The following PLS3 variants were observed in gnomAD, a reference collection of about 807,000 sequenced individuals.
The protein encoded by PLS3 is plastin 3.
Under a neutral mutation model 46.5 loss-of-function variants are expected in PLS3, and 11 were observed. The ratio of observed to expected loss-of-function variants is 0.24; its 90% CI spans 0.15 to 0.39. The LOEUF is 0.39. Among genes scored for constraint, PLS3 ranks in the 10% least tolerant of loss-of-function variants. The probability of loss-of-function intolerance (pLI) is 1.00; values close to 1 mark genes in which losing one functional copy is unlikely to be tolerated. For missense variants in PLS3, 308 were observed against 461.8 expected, an observed-to-expected ratio of 0.67 and a Z score of 3.05; for synonymous variants, 167 against 162.2, an observed-to-expected ratio of 1.03 and a Z score of -0.22.
Position 115,647,541 on chromosome X carries a change from C to T in PLS3, c.1512-9C>T, listed in dbSNP as rs1556641918. ...AGATGGTGACGTTTTCTTCTGCTGC[C>T]TCTCTTAGATATACCCTCAATGTCC... On this transcript the variant is annotated splice_polypyrimidine_tract_variant and intron_variant, in intron 13 of 15. Coordinates refer to ENST00000355899, the MANE Select transcript of PLS3 (RefSeq NM_005032.7). 1.7e-6 allele frequency: 2 copies of T among 1,198,545 alleles called. No homozygotes were observed. The highest frequency in any genetic ancestry group is 1.7e-5 in the African/African-American group (1 of 57,633).
chrX:115,574,232 A>G (rs782239936), intron 1 of PLS3, among the ~76,000 whole-genome samples: 5 of 111,908 alleles, frequency 4.5e-5, no homozygotes, highest in African/African-American at 1.6e-4. Flanking sequence ...TTCACAGTTC[A>G]CCTGGCACAC....
chrX:115,626,385 A>G lies in PLS3; in HGVS notation c.238-2813A>G, dbSNP rs371532030. Among the ~76,000 whole-genome samples the G allele has an allele frequency of 6.4e-5, 7 of 109,302 alleles. No homozygotes were observed. In the East Asian group the frequency reaches 1.7e-3, roughly 27 times the overall value. 94.9% of individuals were successfully genotyped at this position (109,302 alleles called of 115,157 possible). A position where few individuals can be genotyped will look rare whatever the true frequency, so the allele number is the denominator to read the frequency against. On this transcript the variant is annotated intron_variant, in intron 3 of 15. Transcript: ENST00000355899. ...CTGCAACCTCTGCCTCCTGGGTTCA[A>G]GGGATTCTCCTGCCTCAGTCTCCAG...
chrX:115,638,976 A>G (rs1219878186), intron 8 of PLS3, among the ~76,000 whole-genome samples: 1 of 111,296 alleles, frequency 9.0e-6, no homozygotes, highest in Non-Finnish European at 1.9e-5. Context: ...GGCCTCCCAA[A>G]GTGCTGGGAT....
chrX:115,645,284 G>A (rs1188546541), intron 11 of PLS3, among the ~76,000 whole-genome samples, 185 bp downstream of exon 11: 1 of 111,239 alleles, frequency 9.0e-6, no homozygotes. Flanking sequence ...TTACATGATC[G>A]TTAACTGTAA....
chrX:115,626,930 C>A (rs781888310), intron 3 of PLS3, among the ~76,000 whole-genome samples: 31 of 108,642 alleles, frequency 2.9e-4, no homozygotes, highest in African/African-American at 1.0e-3. Flanking sequence ...CTCACTGCAA[C>A]CTCCATCTCC....
intron 1 of PLS3, among the ~76,000 whole-genome samples, chrX:115,563,224 C>T (rs1603212634): frequency 9.0e-6 from 1 of 111,716 alleles, no homozygotes; most frequent in East Asian, 2.8e-4. Flanking sequence ...TAGGCAACTA[C>T]TTAAAGGTAG....
chrX:115,644,796 T>G (rs2074934641), intron 10 of PLS3, among the ~76,000 whole-genome samples: 1 of 111,027 alleles, frequency 9.0e-6, no homozygotes, highest in African/African-American at 3.3e-5. Flanking sequence ...GCTTAACTGG[T>G]TAGAATAAGG....
At chrX:115,596,942 C>T (rs189326153) in intron 1 of PLS3, among the ~76,000 whole-genome samples, 1,241 of 109,264 alleles carry the variant, frequency 0.011, 25 homozygotes, top group African/African-American at 0.039. Flanking sequence ...ATCAGGAGTT[C>T]GAGACCAGCC....
At chrX:115,579,253 C>G (rs2074267010) in intron 1 of PLS3, among the ~76,000 whole-genome samples, 1 of 111,994 alleles carries the variant, frequency 8.9e-6, no homozygotes, top group South Asian at 3.7e-4. Context: ...TACCTCGTTC[C>G]TTTTCATTGT....
intron 1 of PLS3, among the ~76,000 whole-genome samples, chrX:115,593,342 A>AC (rs2074358440): frequency 9.0e-6 from 1 of 110,910 alleles, no homozygotes; most frequent in African/African-American, 3.3e-5. Context: ...GGGGAAAAAA[A>AC]AAAAAGGAAG....
chrX:115,644,138 A>T (rs2074926786), intron 10 of PLS3, among the ~76,000 whole-genome samples: 1 of 111,380 alleles, frequency 9.0e-6, no homozygotes, highest in Non-Finnish European at 1.9e-5. Flanking sequence ...GCATATATTT[A>T]TGTTTCATTC....
chrX:115,616,232 T>A (rs1202706792), intron 2 of PLS3, among the ~76,000 whole-genome samples: 1 of 112,278 alleles, frequency 8.9e-6, no homozygotes, highest in Non-Finnish European at 1.9e-5. Context: ...TAACCACAAA[T>A]AAGGACATAG....
intron 1 of PLS3, among the ~76,000 whole-genome samples, chrX:115,589,231 C>T (rs1452149138): frequency 9.0e-6 from 1 of 111,502 alleles, no homozygotes; most frequent in Non-Finnish European, 1.9e-5. Flanking sequence ...CTCTGCCTCC[C>T]AAGGTGCTGG....
chrX:115,595,082 G>A (rs976577721), intron 1 of PLS3, among the ~76,000 whole-genome samples: 2 of 111,701 alleles, frequency 1.8e-5, no homozygotes, highest in Non-Finnish European at 3.8e-5. Context: ...TCTTGCCTGA[G>A]AAACGTTTAA....
intron 1 of PLS3, among the ~76,000 whole-genome samples, chrX:115,593,295 A>G (rs2074357914): frequency 9.1e-6 from 1 of 110,273 alleles, no homozygotes; most frequent in African/African-American, 3.3e-5. Context: ...TTTGACCTGA[A>G]CTAACTTTAA....
chrX:115,633,272 G>A (rs1477290203), intron 5 of PLS3, among the ~76,000 whole-genome samples: 1 of 109,055 alleles, frequency 9.2e-6, no homozygotes, highest in Non-Finnish European at 1.9e-5. Flanking sequence ...CCAGGTTCAG[G>A]CAATTCTCCT....
At chrX:115,576,831 G>A (rs1054127882) in intron 1 of PLS3, among the ~76,000 whole-genome samples, 3 of 112,353 alleles carry the variant, frequency 2.7e-5, no homozygotes, top group African/African-American at 6.5e-5. Context: ...AACTTCCTGC[G>A]TATTTAATAG....
intron 9 of PLS3, 88 bp downstream of exon 9, chrX:115,640,591 A>G (rs1343996227): frequency 2.0e-6 from 1 of 507,449 alleles, no homozygotes; most frequent in Admixed American, 3.2e-5. Flanking sequence ...AATCGTATGA[A>G]GTAGAGTTGG....
At chrX:115,570,928 C>CTG (rs1431169838) in intron 1 of PLS3, among the ~76,000 whole-genome samples, 1 of 92,817 alleles carries the variant, frequency 1.1e-5, no homozygotes, top group Non-Finnish European at 2.1e-5. Flanking sequence ...CGGAGTCTCA[C>CTG]TGTGTCGTCC....
Sources: allele counts gnomAD v4.1 joint callset (sites outside exome capture counted in the v4.1 genomes callset), GRCh38; gene constraint gnomAD v4.1.1; transcripts MANE v1.5; gene names NCBI Gene and HGNC (gene_info 2026-07-23, HGNC 2026-07-21).